KDM7A: variants seen among roughly 807,000 people sequenced by gnomAD.
KDM7A encodes the protein lysine demethylase 7A, also known as lysine-specific demethylase 7A.
Under a neutral mutation model 114.8 loss-of-function variants are expected in KDM7A, and 28 were observed. The observed-to-expected ratio is 0.24, with a 90% CI of 0.18 to 0.33. KDM7A has a LOEUF of 0.33. Among genes scored for constraint, KDM7A ranks in the 10% least tolerant of loss-of-function variants. The pLI, the probability that KDM7A is intolerant of heterozygous loss-of-function variation, is 1.00. For synonymous variants in KDM7A, 423 were observed against 397.8 expected (o/e 1.06, Z -0.75); for missense variants, 942 against 1,142.5 (o/e 0.82, Z 2.53).
intron 18 of KDM7A, among the ~76,000 whole-genome samples, chr7:140,093,725 A>T (rs1818060488): frequency 6.6e-6 from 1 of 152,264 alleles, no homozygotes; most frequent in Admixed American, 6.5e-5. Flanking sequence ...AAGAAACAGC[A>T]TCAGAGATTA....
intron 10 of KDM7A, among the ~76,000 whole-genome samples, chr7:140,112,838 G>A (rs1272007814): frequency 6.6e-6 from 1 of 152,140 alleles, no homozygotes; most frequent in Non-Finnish European, 1.5e-5. Context: ...GATGCATAAG[G>A]GAAGGAAACA....
chr7:140,167,351 T>C lies in KDM7A; in HGVS notation c.194+9393A>G, dbSNP rs149249687. Among the ~76,000 whole-genome samples, 6 of 152,214 alleles carry C rather than the reference T, an allele frequency of 3.9e-5. No individual in the cohort carries two copies. The East Asian group carries it at 1.2e-3, about 29-fold the overall frequency. On this transcript the variant is annotated intron_variant, in intron 1 of 19. Coordinates refer to ENST00000397560, the MANE Select transcript of KDM7A (RefSeq NM_030647.2). ...GACAGGCCTTACCAGACTTACACCA[T>C]ACTACAAAAGCCTCTGTAATTAAAA... is the stretch of plus-strand genomic sequence containing the variant.
intron 9 of KDM7A, among the ~76,000 whole-genome samples, chr7:140,115,024 C>T (rs1243774770): frequency 2.0e-5 from 3 of 152,032 alleles, no homozygotes; most frequent in African/African-American, 4.8e-5. Flanking sequence ...GCAGCCGCCC[C>T]GTCCAGGAGG....
intron 1 of KDM7A, among the ~76,000 whole-genome samples, chr7:140,159,925 C>A (rs984362998): frequency 1.4e-5 from 2 of 139,534 alleles, no homozygotes; most frequent in African/African-American, 5.4e-5. Flanking sequence ...TATTTAAGTT[C>A]TTCAATCCTT....
intron 1 of KDM7A, among the ~76,000 whole-genome samples, chr7:140,148,454 T>C (rs963469128): frequency 1.3e-5 from 2 of 152,074 alleles, no homozygotes; most frequent in Non-Finnish European, 2.9e-5. Flanking sequence ...AGTAACCCCC[T>C]CAAAGGATTT....
At chr7:140,151,695 C>A (rs1292074979) in intron 1 of KDM7A, among the ~76,000 whole-genome samples, 1 of 152,178 alleles carries the variant, frequency 6.6e-6, no homozygotes, top group Non-Finnish European at 1.5e-5. Context: ...ATTTACTTTT[C>A]CTTTCATGTA....
intron 1 of KDM7A, among the ~76,000 whole-genome samples, chr7:140,154,320 CA>C (rs752536419): frequency 1.9e-3 from 251 of 132,412 alleles, no homozygotes; most frequent in Middle Eastern, 3.9e-3. Flanking sequence ...CCCGTCACTA[CA>C]AAAAAAAAAA....
intron 1 of KDM7A, among the ~76,000 whole-genome samples, chr7:140,148,586 A>G (rs1794367347): frequency 6.6e-6 from 1 of 152,190 alleles, no homozygotes; most frequent in African/African-American, 2.4e-5. Context: ...TAATAAGTTG[A>G]CATTCTTACT....
At chr7:140,144,710 T>TACAC (rs3030431) in intron 1 of KDM7A, among the ~76,000 whole-genome samples, 2,114 of 146,382 alleles carry the variant, frequency 0.014, 35 homozygotes, top group African/African-American at 0.038. Flanking sequence ...GTCCCCACCA[T>TACAC]ACACACACAC....
chr7:140,107,046 G>C (rs919868420), intron 11 of KDM7A, among the ~76,000 whole-genome samples: 1 of 152,070 alleles, frequency 6.6e-6, no homozygotes, highest in African/African-American at 2.4e-5. Flanking sequence ...TGTCTCTTTT[G>C]ATCTTTGTTG....
intron 11 of KDM7A, among the ~76,000 whole-genome samples, chr7:140,104,366 C>T (rs1818290389): frequency 6.6e-6 from 1 of 152,172 alleles, no homozygotes; most frequent in South Asian, 2.1e-4. Flanking sequence ...GTGTTTTAGT[C>T]ATGAAGTCAT....
intron 14 of KDM7A, 119 bp downstream of exon 14, chr7:140,098,760 T>C: frequency 1.2e-6 from 1 of 825,740 alleles, no homozygotes; most frequent in Non-Finnish European, 1.9e-6. Context: ...AAGACAGTTT[T>C]AGGGACACAA....
rs922394260 is a variant in KDM7A, at chr7:140,150,827, C to CTT, written c.195-11639_195-11638dup. 5.2e-3 allele frequency among the ~76,000 whole-genome samples: 670 copies of CTT among 127,848 alleles called. 12 individuals are homozygous for CTT. Among genetic ancestry groups the CTT allele is most frequent in the African/African-American group, 0.016 (562 of 34,092 alleles). The allele number at this position is 127,848 out of a possible 152,430, so 83.9% of individuals were successfully genotyped here. ...TGAGTGTGGCCCAATAATCTCTGTTCTTTTTTTTTTTTTTTTTTTGAGACG... is the reference window on the plus strand; with the variant it reads ...TGAGTGTGGCCCAATAATCTCTGTTCTTTTTTTTTTTTTTTTTTTTTGAGACG... On this transcript the variant is annotated intron_variant, in intron 1 of 19. Coordinates refer to ENST00000397560, the MANE Select transcript of KDM7A (RefSeq NM_030647.2).
chr7:140,101,178 G>A (rs1241263828), intron 12 of KDM7A, among the ~76,000 whole-genome samples: 5 of 152,090 alleles, frequency 3.3e-5, no homozygotes, highest in Non-Finnish European at 7.4e-5. Context: ...TTCTTGGGAT[G>A]TAAAAGTATG....
chr7:140,134,982 T>C (rs1171499799), intron 2 of KDM7A, among the ~76,000 whole-genome samples: 1 of 151,124 alleles, frequency 6.6e-6, no homozygotes, highest in Non-Finnish European at 1.5e-5. Context: ...TAAAACAAGA[T>C]TCCCAAGTAA....
chr7:140,113,710 A>C, intron 9 of KDM7A, 128 bp from the exon 10 acceptor site: 1 of 484,246 alleles, frequency 2.1e-6, no homozygotes, highest in Admixed American at 3.9e-5. Flanking sequence ...TAAAAATATA[A>C]AAAGTGAAAT....
intron 11 of KDM7A, among the ~76,000 whole-genome samples, chr7:140,106,427 G>C (rs2116762519): frequency 6.6e-6 from 1 of 152,288 alleles, no homozygotes; most frequent in South Asian, 2.1e-4. Flanking sequence ...GGCATTTAGT[G>C]CTATAAATTT....
chr7:140,174,223 T>C (rs1794676878), intron 1 of KDM7A, among the ~76,000 whole-genome samples: 1 of 151,866 alleles, frequency 6.6e-6, no homozygotes, highest in South Asian at 2.1e-4. Context: ...ACTGCTTTTG[T>C]AGGGCAGGAC....
At position 140,176,510 on chromosome 7, in the gene KDM7A, G is replaced by A. The variant is rs1794710366; in HGVS notation, c.194+234C>T. ...CCGGCCCTCTTTGTTCGTGTTTGTT[G>A]TGGCGACTCTTCGCCCGGGCCAGGC... is the stretch of plus-strand genomic sequence containing the variant. On this transcript the variant is annotated intron_variant, in intron 1 of 19. Coordinates refer to ENST00000397560, the MANE Select transcript of KDM7A (RefSeq NM_030647.2). The surrounding 1 kb of genome is among the most constrained non-coding windows in gnomAD (Gnocchi z 4.4). Among the ~76,000 whole-genome samples the A allele has an allele frequency of 6.8e-6, 1 of 146,844 alleles. No homozygotes were observed. The highest frequency in any genetic ancestry group is 6.7e-5 in the Admixed American group (1 of 14,832).
Sources: allele counts gnomAD v4.1 joint callset (sites outside exome capture counted in the v4.1 genomes callset), GRCh38; gene constraint gnomAD v4.1.1; non-coding constraint Gnocchi (gnomAD v3.1); transcripts MANE v1.5; gene names NCBI Gene and HGNC (gene_info 2026-07-23, HGNC 2026-07-21).